Variants in FGF13 observed in about 807,000 individuals in gnomAD.
The protein encoded by FGF13 is fibroblast growth factor homologous factor 2.
FGF13 carries 2 observed loss-of-function variants against 19.5 expected under a neutral mutation model. That is an observed-to-expected ratio of 0.10 (90% CI 0.04 to 0.32). FGF13 has a LOEUF of 0.32. FGF13 is among the 10% of genes least tolerant of loss of function. The pLI is 1.00. For missense variants in FGF13, 113 were observed against 192.7 expected (o/e 0.59, Z 2.45); for synonymous variants, 72 against 76.9 (o/e 0.94, Z 0.33).
At chrX:139,025,946 C>T (rs2092199032) in intron 1 of FGF13, among the ~76,000 whole-genome samples, 1 of 111,084 alleles carries the variant, frequency 9.0e-6, no homozygotes, top group Admixed American at 9.6e-5. Flanking sequence ...ACACTTCCTC[C>T]TCCTTTGCAT....
intron 3 of FGF13, among the ~76,000 whole-genome samples, chrX:138,833,193 T>C (rs2091087359): frequency 1.8e-5 from 2 of 112,110 alleles, no homozygotes; most frequent in African/African-American, 6.5e-5. Context: ...TCTAGTTCTA[T>C]AAATAATGTC....
intron 1 of FGF13, among the ~76,000 whole-genome samples, chrX:139,121,131 C>G (rs1162181539): frequency 8.9e-6 from 1 of 111,791 alleles, no homozygotes; most frequent in African/African-American, 3.3e-5. Context: ...ATTCTGACAT[C>G]ATTATAATTT....
At chrX:139,111,675 G>GA (rs2083602829) in intron 1 of FGF13, among the ~76,000 whole-genome samples, 1 of 111,419 alleles carries the variant, frequency 9.0e-6, no homozygotes, top group Non-Finnish European at 1.9e-5. Flanking sequence ...TCTATTTCTA[G>GA]AAAAAACACA....
chrX:138,802,501 T>C (rs938620439), intron 3 of FGF13, among the ~76,000 whole-genome samples: 8 of 111,732 alleles, frequency 7.2e-5, no homozygotes, highest in African/African-American at 2.6e-4. Flanking sequence ...TCTGCATTGG[T>C]CTCACTGGGA....
At chrX:138,891,233 C>T (rs961183780) in intron 1 of FGF13, among the ~76,000 whole-genome samples, 6 of 111,372 alleles carry the variant, frequency 5.4e-5, no homozygotes, top group Non-Finnish European at 5.7e-5. Context: ...TGCAGTGAGC[C>T]GAGATTGCGC....
intron 3 of FGF13, among the ~76,000 whole-genome samples, chrX:138,781,326 C>G (rs2090640176): frequency 9.2e-6 from 1 of 109,228 alleles, no homozygotes; most frequent in African/African-American, 3.4e-5. Context: ...CAGAGCAGAA[C>G]TGAAGGAAAT....
At chrX:138,653,413 GTTAA>G (rs2089399028) in intron 3 of FGF13, among the ~76,000 whole-genome samples, 1 of 110,911 alleles carries the variant, frequency 9.0e-6, no homozygotes, top group Non-Finnish European at 1.9e-5. Flanking sequence ...GAATGATTAA[GTTAA>G]TTATTAGTAA....
intron 3 of FGF13, among the ~76,000 whole-genome samples, chrX:138,814,216 A>C (rs987117225): frequency 1.8e-5 from 2 of 110,392 alleles, no homozygotes; most frequent in Non-Finnish European, 3.8e-5. Context: ...TTTTAGAATT[A>C]GACAAGTTGT....
At chrX:139,184,900 A>G (rs1170736558) in intron 1 of FGF13, among the ~76,000 whole-genome samples, 2 of 112,441 alleles carry the variant, frequency 1.8e-5, no homozygotes, top group African/African-American at 6.5e-5. Flanking sequence ...CTGACTTAAC[A>G]TGGCTGTCTT....
intron 1 of FGF13, among the ~76,000 whole-genome samples, chrX:139,107,290 A>C (rs1340412499): frequency 2.7e-5 from 3 of 111,969 alleles, no homozygotes; most frequent in African/African-American, 9.7e-5. Flanking sequence ...CTCCTTTAAG[A>C]TGGCTTTCCC....
intron 1 of FGF13, among the ~76,000 whole-genome samples, chrX:139,083,460 A>C (rs902481984): frequency 8.9e-6 from 1 of 112,071 alleles, no homozygotes; most frequent in Admixed American, 9.5e-5. Flanking sequence ...TTGTCAAGCA[A>C]AGCTTGATTT....
At chrX:139,031,350 A>C (rs1397470546) in intron 1 of FGF13, among the ~76,000 whole-genome samples, 1 of 111,518 alleles carries the variant, frequency 9.0e-6, no homozygotes, top group Admixed American at 9.6e-5. Context: ...TCTCAGCATT[A>C]TAAGGGACCC....
At chrX:138,781,169 G>A (rs1237556800) in intron 3 of FGF13, among the ~76,000 whole-genome samples, 16 of 111,084 alleles carry the variant, frequency 1.4e-4, no homozygotes, top group East Asian at 8.5e-4. Context: ...TCAAAGCAGC[G>A]TGTAGAGGGA....
At chrX:138,816,937 A>G (rs1349990025) in intron 3 of FGF13, among the ~76,000 whole-genome samples, 1 of 112,149 alleles carries the variant, frequency 8.9e-6, no homozygotes, top group African/African-American at 3.2e-5. Flanking sequence ...TTGTCATAGT[A>G]TCCATCTCAC....
upstream of FGF13, among the ~76,000 whole-genome samples, chrX:138,744,212 A>G (rs768834570): frequency 9.0e-6 from 1 of 111,402 alleles, no homozygotes; most frequent in Non-Finnish European, 1.9e-5. Flanking sequence ...ACAGCCAGGA[A>G]GATTCCTGCC....
intron 3 of FGF13, among the ~76,000 whole-genome samples, chrX:138,758,262 G>C (rs1749649931): frequency 9.0e-6 from 1 of 111,348 alleles, no homozygotes; most frequent in Admixed American, 9.5e-5. Context: ...AAGAGAAAAG[G>C]ACCTGTCATG....
intron 1 of FGF13, among the ~76,000 whole-genome samples, chrX:139,200,375 A>C (rs12008913): frequency 0.11 from 11,827 of 111,894 alleles, 1,190 homozygotes; most frequent in African/African-American, 0.3. Context: ...GACCACAGTG[A>C]CCTGTCCTTC....
chrX:139,023,302 T>C lies in FGF13; in HGVS notation c.-112-158652A>G, dbSNP rs56968947. 9.4e-3 allele frequency among the ~76,000 whole-genome samples: 1,043 copies of C among 111,490 alleles called. 10 individuals carry two copies. The highest frequency in any genetic ancestry group is 0.031 in the African/African-American group (967 of 30,774). ...ATTAATGGATCCTGAAATAAAAATT[T>C]CATATAATTTTATATAATTTTCACA... On this transcript the variant is annotated intron_variant, in intron 1 of 2. Transcript: ENST00000421460.
At chrX:138,919,352 T>A (rs1318040621) in intron 1 of FGF13, among the ~76,000 whole-genome samples, 2 of 111,836 alleles carry the variant, frequency 1.8e-5, no homozygotes, top group Admixed American at 1.9e-4. Context: ...CTTTATCACA[T>A]ATAATCTCGA....
Sources: gnomAD v4.1 joint callset for allele counts (sites outside exome capture counted in the v4.1 genomes callset) on GRCh38, gnomAD v4.1.1 for gene constraint, MANE v1.5 for transcripts, NCBI Gene and HGNC (gene_info 2026-07-23, HGNC 2026-07-21) for gene names.